Variants in GAK observed in about 807,000 individuals in gnomAD.
GAK encodes cyclin G associated kinase.
GAK carries 79 observed loss-of-function variants against 143.9 expected under a neutral mutation model. The ratio of observed to expected loss-of-function variants is 0.55; its 90% CI spans 0.46 to 0.66. The LOEUF (loss-of-function observed/expected upper bound fraction) is 0.66. GAK is among the 30% of genes least tolerant of loss of function. The pLI, the probability that GAK is intolerant of heterozygous loss-of-function variation, is 0.00. For missense variants in GAK, 1,693 were observed against 1,779.7 expected (o/e 0.95, Z 0.88); for synonymous variants, 881 against 765.5 (o/e 1.15, Z -2.49).
chr4:904,931 T>C lies in GAK; in HGVS notation c.383-152A>G, dbSNP rs1029425873. 2.5e-5 allele frequency: 18 copies of C among 726,588 alleles called. No homozygotes were observed. The African/African-American group carries it at 2.5e-4, about 10-fold the overall frequency. 45.0% of individuals were successfully genotyped at this position (726,588 alleles called of 1,614,324 possible). ...AACAAAACGACCAGAGGTGACTCCC[T>C]TTGACCTTTTCTGCCTGGCAGATGG... On this transcript the variant is annotated intron_variant, in intron 4 of 27. Coordinates refer to ENST00000314167, the MANE Select transcript of GAK (RefSeq NM_005255.4).
chr4:911,569 A>G, intron 4 of GAK, 104 bp downstream of exon 4: 1 of 774,196 alleles, frequency 1.3e-6, no homozygotes. Context: ...ACAGCTTGAG[A>G]GAAGATGCCG....
Position 876,545 on chromosome 4 carries a change from G to A in GAK, c.2039C>T (p.Thr680Ile), listed in dbSNP as rs755489877. 13 of 1,614,152 alleles carry A rather than the reference G, an allele frequency of 8.1e-6. No individual in the cohort carries two copies. Among genetic ancestry groups the A allele is most frequent in the South Asian group, 1.1e-5 (1 of 91,084 alleles). ...ACCAACGTACTTGGCAAATTTCACAGTGGTGGCGTTCCGAGGCACAAACCC... is the reference window on the plus strand; with the variant it reads ...ACCAACGTACTTGGCAAATTTCACAATGGTGGCGTTCCGAGGCACAAACCC... ...HTGFVPRNAT[T>I]VKFAKYDLDA... Residue 680 changes from threonine to isoleucine, a missense_variant, in exon 18 of 28, where the codon ACT becomes ATT. Around this residue, in one of 2 missense-constraint regions of GAK, gnomAD observed 871 missense variants for 991.0 expected, o/e 0.88. Coordinates refer to ENST00000314167, the MANE Select transcript of GAK (RefSeq NM_005255.4).
At chr4:870,408 C>T (rs1560317454) in intron 19 of GAK, among the ~76,000 whole-genome samples, 2 of 152,196 alleles carry the variant, frequency 1.3e-5, no homozygotes, top group Admixed American at 1.3e-4. Context: ...AAAATCTGAC[C>T]CAGACACACG....
chr4:850,783 T>C (rs749629132), intron 26 of GAK, 153 bp downstream of exon 26: 1 of 803,714 alleles, frequency 1.2e-6, no homozygotes, highest in Non-Finnish European at 1.8e-6. Context: ...GACAGGTCCC[T>C]GTCTGGAGAC....
At chr4:849,835 C>CT (rs1747764349) in intron 27 of GAK, 57 bp downstream of exon 27, 1 of 183,814 alleles carries the variant, frequency 5.4e-6, no homozygotes, top group Non-Finnish European at 7.5e-6. Context: ...CGGGGCAGGA[C>CT]CCCCCCCCCG....
chr4:877,264 AAAC>A lies in GAK; in HGVS notation c.1857-60_1857-58del, dbSNP rs1442559025. Reference sequence around the variant, plus strand: ...AAAACCCCCAAAACCAACCAAACAAAAACAACAAAAAACAGAATGAGAAATTGT... The same window carrying A: ...AAAACCCCCAAAACCAACCAAACAAAAACAAAAAACAGAATGAGAAATTGT... On this transcript the variant is annotated intron_variant, in intron 16 of 27. Transcript: ENST00000314167. 7 of 1,110,960 alleles carry A rather than the reference AAAC, an allele frequency of 6.3e-6. No individual in the cohort carries two copies. The African/African-American group carries it at 7.8e-5, about 12-fold the overall frequency. The allele number at this position is 1,110,960 out of a possible 1,614,324, so 68.8% of individuals were successfully genotyped here. A position where few individuals can be genotyped will look rare whatever the true frequency, so the allele number is the denominator to read the frequency against.
At chr4:878,315 G>A (rs1282963064) in intron 15 of GAK, among the ~76,000 whole-genome samples, 1 of 151,374 alleles carries the variant, frequency 6.6e-6, no homozygotes, top group African/African-American at 2.4e-5. Flanking sequence ...GCTTAAACCT[G>A]GGAGGTGGAG....
chr4:903,498 G>A (rs1720364761), intron 5 of GAK, among the ~76,000 whole-genome samples: 2 of 152,104 alleles, frequency 1.3e-5, no homozygotes. Flanking sequence ...GAACCAGGGA[G>A]GCACTGTGGG....
At chr4:849,825 C>CGGGGGGGG in intron 27 of GAK, 51 bp from the exon 28 acceptor site, 3 of 1,229,734 alleles carry the variant, frequency 2.4e-6, no homozygotes, top group Non-Finnish European at 3.3e-6. Flanking sequence ...CGGGGGCGGG[C>CGGGGGGGG]GGGGCAGGAC....
Position 904,792 on chromosome 4 carries a change from GA to G in GAK, c.383-14del. The G allele has an allele frequency of 6.2e-7, 1 of 1,612,952 alleles. No homozygotes were observed. Among genetic ancestry groups the G allele is most frequent in the East Asian group, 2.2e-5 (1 of 44,858 alleles). On this transcript the variant is annotated splice_polypyrimidine_tract_variant and intron_variant, in intron 4 of 27. Coordinates refer to ENST00000314167, the MANE Select transcript of GAK (RefSeq NM_005255.4). ...TCCACCAGCTGCCCTAAAAGAGAAT[GA>G]AACTCACATGGAGGCAGGAGAACAG...
intron 4 of GAK, 33 bp downstream of exon 4, chr4:911,640 G>A (rs1722063633): frequency 2.0e-6 from 3 of 1,498,000 alleles, no homozygotes; most frequent in Non-Finnish European, 2.8e-6. Flanking sequence ...TGCTGGGTTA[G>A]ATGGCACCAA....
At chr4:849,834 A>ACCCCCCCCCCCCC (rs33919242) in intron 27 of GAK, 58 bp downstream of exon 27, 228 of 948,286 alleles carry the variant, frequency 2.4e-4, no homozygotes, top group African/African-American at 5.0e-4. Context: ...GCGGGGCAGG[A>ACCCCCCCCCCCCC]CCCCCCCCCC....
intron 1 of GAK, among the ~76,000 whole-genome samples, chr4:930,062 G>A (rs1402049835): frequency 6.6e-6 from 1 of 152,214 alleles, no homozygotes; most frequent in Non-Finnish European, 1.5e-5. Context: ...AATTCTGGAA[G>A]TGTAAACATC....
chr4:881,571 G>A (rs983519956), intron 15 of GAK, among the ~76,000 whole-genome samples: 1 of 152,122 alleles, frequency 6.6e-6, no homozygotes, highest in Non-Finnish European at 1.5e-5. Context: ...TGCTCCACAC[G>A]GCACCTGTGT....
chr4:913,851 C>T lies in GAK; in HGVS notation c.146-183G>A. ...CACAGCCCCAGCATACATGCCCCCA[C>T]ACACACAGCCCCAGCGTGCACGGCC... On this transcript the variant is annotated intron_variant, in intron 1 of 27. Coordinates refer to ENST00000314167, the MANE Select transcript of GAK (RefSeq NM_005255.4). The T allele has an allele frequency of 5.1e-6, 3 of 584,220 alleles. No individual in the cohort carries two copies. In the South Asian group the frequency reaches 5.5e-5, roughly 11 times the overall value. 36.2% of individuals were successfully genotyped at this position (584,220 alleles called of 1,614,324 possible). A position where few individuals can be genotyped will look rare whatever the true frequency, so the allele number is the denominator to read the frequency against.
intron 24 of GAK, among the ~76,000 whole-genome samples, chr4:858,377 G>A (rs1469988982): frequency 1.3e-5 from 2 of 152,308 alleles, no homozygotes; most frequent in East Asian, 1.9e-4. Flanking sequence ...GCAGGCGGAG[G>A]GCTGGGGCTG....
At chr4:931,412 C>T (rs996001617) in intron 1 of GAK, among the ~76,000 whole-genome samples, 2 of 151,924 alleles carry the variant, frequency 1.3e-5, no homozygotes, top group Non-Finnish European at 2.9e-5. Flanking sequence ...AGTCTACCCT[C>T]GGCCAACCCC....
chr4:880,000 G>C (rs576692004), intron 15 of GAK, among the ~76,000 whole-genome samples: 80 of 151,738 alleles, frequency 5.3e-4, no homozygotes, highest in Admixed American at 2.0e-3. Flanking sequence ...CCACTGGACC[G>C]CGCACCTGCC....
intron 24 of GAK, among the ~76,000 whole-genome samples, chr4:856,554 C>CCACCACAGCTGCTCACACCTGCT (rs1560281532): frequency 1.7e-5 from 2 of 120,038 alleles, no homozygotes; most frequent in African/African-American, 2.7e-5. Context: ...CACCTGCTCA[C>CCACCACAGCTGCTCACACCTGCT]CACCACAGCT....
Sources: gnomAD v4.1 joint callset for allele counts (sites outside exome capture counted in the v4.1 genomes callset) on GRCh38, gnomAD v4.1.1 for gene constraint, gnomAD v4.1.1 regional missense constraint, MANE v1.5 for transcripts, NCBI Gene and HGNC (gene_info 2026-07-23, HGNC 2026-07-21) for gene names.